The following TAF1 variants were observed in gnomAD, a reference collection of about 807,000 sequenced individuals.
TAF1 encodes transcription initiation factor TFIID subunit 1.
Under a neutral mutation model 138.5 loss-of-function variants are expected in TAF1, and 2 were observed. The observed-to-expected ratio is 0.01, with a 90% confidence interval of 0.01 to 0.05. The LOEUF is 0.05. Among genes scored for constraint, TAF1 ranks in the 10% least tolerant of loss-of-function variants. The pLI is 1.00. For missense variants in TAF1, 709 were observed against 1,478.0 expected, an observed-to-expected ratio of 0.48 and a Z score of 8.53; for synonymous variants, 437 against 503.2, an observed-to-expected ratio of 0.87 and a Z score of 1.76.
At chrX:71,427,644 A>G in intron 32 of TAF1, among the ~76,000 whole-genome samples, 1 of 112,170 alleles carries the variant, frequency 8.9e-6, no homozygotes, top group Admixed American at 9.4e-5. Flanking sequence ...TAGTAATCCA[A>G]GAAATGCAAT....
At chrX:71,373,057 G>A (rs1056446365) in intron 3 of TAF1, among the ~76,000 whole-genome samples, 2 of 109,998 alleles carry the variant, frequency 1.8e-5, no homozygotes, top group African/African-American at 6.6e-5. Context: ...TAGTAGAGAC[G>A]GGGTTTCACA....
In TAF1 at chrX:71,453,092, A is replaced by AGAGGGAGAG. The variant is rs1219924217; in HGVS notation, c.4754-1067_4754-1059dup. 1.5e-4 allele frequency among the ~76,000 whole-genome samples: 16 copies of AGAGGGAGAG among 110,128 alleles called. No individual in the cohort carries two copies. In the South Asian group the frequency reaches 6.3e-3, roughly 44 times the overall value. Reference sequence around the variant, plus strand: ...GAGACCGTGGGGAGACGGGAGAGAGAGAGGGAGAGGAGGGAGAGGGAGAGG... The same window carrying AGAGGGAGAG: ...GAGACCGTGGGGAGACGGGAGAGAGAGAGGGAGAGGAGGGAGAGGAGGGAGAGGGAGAGG... On this transcript the variant is annotated intron_variant, in intron 32 of 37. Transcript: ENST00000423759.
Position 71,392,879 on chromosome X carries a change from A to G in TAF1, c.2936A>G (p.Asp979Gly). 8.3e-7 allele frequency: 1 copy of G among 1,211,117 alleles called. No individual in the cohort carries two copies. The highest frequency in any genetic ancestry group is 1.1e-6 in the Non-Finnish European group (1 of 895,361). The change falls in exon 20 of 38, where the codon GAT (aspartate) becomes GGT (glycine). Residue 979 changes from aspartate to glycine, a missense_variant. Asp to Gly is a moderately conservative substitution (Grantham distance 94). Around this residue, in one of 14 missense-constraint regions of TAF1, gnomAD observed 31 missense variants for 140.4 expected, o/e 0.22. Coordinates refer to ENST00000423759, the MANE Select transcript of TAF1 (RefSeq NM_004606.5). ...IPNKPTQQKD[D>G]KEPQPVKKTV... ...ACTTTTTTTTGTTTGAGGTAGGATG[A>G]TAAAGAACCGCAGCCAGTGAAGAAG...
chrX:71,437,786 CT>C (rs1446375331), intron 32 of TAF1, among the ~76,000 whole-genome samples: 2 of 107,406 alleles, frequency 1.9e-5, no homozygotes, highest in African/African-American at 6.8e-5. Flanking sequence ...TCCATACAGA[CT>C]TTTTTATTAT....
chrX:71,495,320 C>T, intron 13 of TAF1, among the ~76,000 whole-genome samples: 1 of 111,338 alleles, frequency 9.0e-6, no homozygotes, highest in Non-Finnish European at 1.9e-5. Flanking sequence ...TGGCCTCGAT[C>T]CTAGAGGAAA....
chrX:71,420,662 G>A, intron 28 of TAF1: 4 of 1,177,628 alleles, frequency 3.4e-6, no homozygotes, highest in Non-Finnish European at 4.6e-6. Flanking sequence ...ATCCTCAATG[G>A]CGCTGTCTTC....
chrX:71,471,346 T>TATAC (rs1389600546), intron 13 of TAF1, among the ~76,000 whole-genome samples: 2 of 95,674 alleles, frequency 2.1e-5, no homozygotes, highest in African/African-American at 7.8e-5. Flanking sequence ...TATATATATA[T>TATAC]ACACACACAC....
At position 71,393,434 on chromosome X, in the gene TAF1, G is replaced by A; in HGVS notation, c.3185G>A (p.Arg1062His). Residue 1062 changes from arginine to histidine, a missense_variant, in exon 21 of 38, where the codon CGT (arginine) becomes CAT (histidine). Physicochemically the swap from Arg to His is conservative, Grantham distance 29. Around this residue, in one of 14 missense-constraint regions of TAF1, gnomAD observed 31 missense variants for 140.4 expected, o/e 0.22. Transcript: ENST00000423759. Reference protein sequence around the residue: ...SRFSVAEHQERYKEECQRIFD... With the variant: ...SRFSVAEHQEHYKEECQRIFD... ...TTTTCTGTGGCTGAGCATCAAGAGC[G>A]TTACAAAGAGGAATGTCAGCGCATC... 3 of 1,206,072 alleles carry A rather than the reference G, an allele frequency of 2.5e-6. No individual in the cohort carries two copies. Among genetic ancestry groups the A allele is most frequent in the Admixed American group, 2.2e-5 (1 of 44,814 alleles).
chrX:71,494,453 G>GT lies in TAF1; in HGVS notation c.1366+33657dup, dbSNP rs1165870658. ...AAATAAATAAATAAATAAATAAATA[G>GT]TTTTTTTGGCAATTTAAAAAAATAT... On this transcript the variant is annotated intron_variant and NMD_transcript_variant, in intron 13 of 14. Transcript: ENST00000373775. Among the ~76,000 whole-genome samples, 7 of 110,218 alleles carry GT rather than the reference G, an allele frequency of 6.4e-5. No homozygotes were observed. The East Asian group carries it at 1.4e-3, about 22-fold the overall frequency.
intron 13 of TAF1, among the ~76,000 whole-genome samples, chrX:71,504,293 G>C (rs956945422): frequency 1.8e-5 from 2 of 109,833 alleles, no homozygotes; most frequent in African/African-American, 6.6e-5. Flanking sequence ...AACCCTGACT[G>C]ATACATCCTT....
At chrX:71,419,993 T>G in intron 28 of TAF1, 1 of 272,032 alleles carries the variant, frequency 3.7e-6, no homozygotes, top group Admixed American at 5.2e-5. Context: ...AAGGTCATCT[T>G]CTGTTTTTTG....
chrX:71,470,291 C>T (rs1442032363), downstream of TAF1, among the ~76,000 whole-genome samples: 1 of 110,812 alleles, frequency 9.0e-6, no homozygotes. Flanking sequence ...GGTAATATTA[C>T]ACAATTGAGG....
At chrX:71,498,908 G>A (rs187125993) in intron 13 of TAF1, among the ~76,000 whole-genome samples, 1 of 111,543 alleles carries the variant, frequency 9.0e-6, no homozygotes, top group East Asian at 2.8e-4. Context: ...ACAGCTGTCT[G>A]GGACAGGAGA....
At position 71,377,684 on chromosome X, in the gene TAF1, A is replaced by C. The variant is rs748814226; in HGVS notation, c.796A>C (p.Lys266Gln). 10 of 1,209,642 alleles carry C rather than the reference A, an allele frequency of 8.3e-6. No homozygotes were observed. Among genetic ancestry groups the C allele is most frequent in the African/African-American group, 3.5e-5 (2 of 57,104 alleles). Residue 266 changes from lysine (K) to glutamine (Q), a missense_variant, in exon 6 of 38, where the codon AAG (lysine) becomes CAG (glutamine). Around this residue, in one of 14 missense-constraint regions of TAF1, gnomAD observed 26 missense variants for 20.9 expected, o/e 1.25. Coordinates refer to ENST00000423759, the MANE Select transcript of TAF1 (RefSeq NM_004606.5). ...GAGTGCTCGGAGAAAGAGGAAGAAG[A>C]AGCACCGTGAGCTGATACAGGAAGA... is the stretch of plus-strand genomic sequence containing the variant. ...WRSARRKRKK[K>Q]HRELIQEEQI...
rs1299710093 is a variant in TAF1 at position 71,407,620 on chromosome X, C to T, written c.4154C>T (p.Thr1385Met). The T allele has an allele frequency of 1.7e-6, 2 of 1,209,566 alleles. No homozygotes were observed. The highest frequency in any genetic ancestry group is 1.8e-5 in the African/African-American group (1 of 57,045). ...IHRRRTDPMV[T>M]LSSILESIIN... ...CGGCGCCGCACAGACCCTATGGTGACGCTGTCGTCCATCTTGGAGTCTATC... is the reference window on the plus strand; with the variant it reads ...CGGCGCCGCACAGACCCTATGGTGATGCTGTCGTCCATCTTGGAGTCTATC... Residue 1385 changes from threonine (T) to methionine (M), a missense_variant, in exon 27 of 38, where the codon ACG (threonine) becomes ATG (methionine). Physicochemically the swap from Thr to Met is moderately conservative, Grantham distance 81. This residue lies in a region of TAF1 where 63 missense variants were observed against 163.3 expected (regional missense o/e 0.39). Coordinates refer to ENST00000423759, the MANE Select transcript of TAF1 (RefSeq NM_004606.5).
chrX:71,508,032 G>A (rs1374865393), intron 13 of TAF1, among the ~76,000 whole-genome samples: 1 of 96,341 alleles, frequency 1.0e-5, no homozygotes, highest in Non-Finnish European at 2.1e-5. Context: ...AGATATAGTA[G>A]ATATAGATAC....
intron 25 of TAF1, among the ~76,000 whole-genome samples, chrX:71,404,478 C>T (rs1239004710): frequency 2.7e-5 from 3 of 110,620 alleles, no homozygotes; most frequent in African/African-American, 9.9e-5. Flanking sequence ...ACTGGGACTA[C>T]AGGCACGTGC....
intron 13 of TAF1, among the ~76,000 whole-genome samples, chrX:71,478,522 TCAAA>T (rs745332638): frequency 3.5e-3 from 379 of 109,777 alleles, no homozygotes; most frequent in African/African-American, 3.9e-3. Context: ...AGACCTTGTC[TCAAA>T]CAAACAAACA....
downstream of TAF1, among the ~76,000 whole-genome samples, chrX:71,469,533 T>G (rs1216173723): frequency 1.9e-5 from 2 of 107,145 alleles, no homozygotes; most frequent in Non-Finnish European, 3.9e-5. Flanking sequence ...TCTCTACAAA[T>G]AATGAAAAAA....
Sources: allele counts gnomAD v4.1 joint callset (sites outside exome capture counted in the v4.1 genomes callset), GRCh38; gene constraint gnomAD v4.1.1; regional missense constraint gnomAD v4.1.1; transcripts MANE v1.5; gene names NCBI Gene and HGNC (gene_info 2026-07-23, HGNC 2026-07-21).